Variants in GALNT18 observed in about 807,000 individuals in gnomAD.
GALNT18 encodes the protein GalNAc-transferase 18.
Under a neutral mutation model 69.5 loss-of-function variants are expected in GALNT18, and 44 were observed. That is an observed-to-expected ratio of 0.63 (90% CI 0.50 to 0.81). The LOEUF is 0.81. GALNT18 is among the 40% of genes least tolerant of loss of function. The pLI, the probability that GALNT18 is intolerant of heterozygous loss-of-function variation, is 0.00. For synonymous variants in GALNT18, 364 were observed against 318.2 expected, an observed-to-expected ratio of 1.14 and a Z score of -1.53; for missense variants, 715 against 810.0, an observed-to-expected ratio of 0.88 and a Z score of 1.42.
intron 1 of GALNT18, among the ~76,000 whole-genome samples, chr11:11,493,352 C>G (rs1313846032): frequency 6.6e-6 from 1 of 151,218 alleles, no homozygotes; most frequent in East Asian, 1.9e-4. Flanking sequence ...TTTTGGGCAG[C>G]TTCTCTTCAC....
At chr11:11,490,843 A>G (rs1194473809) in intron 1 of GALNT18, among the ~76,000 whole-genome samples, 2 of 152,228 alleles carry the variant, frequency 1.3e-5, no homozygotes, top group Non-Finnish European at 2.9e-5. Flanking sequence ...TGAAACTCCA[A>G]CGCGGATTGT....
At chr11:11,615,925 C>G (rs1860032888) in intron 1 of GALNT18, among the ~76,000 whole-genome samples, 1 of 152,160 alleles carries the variant, frequency 6.6e-6, no homozygotes, top group Non-Finnish European at 1.5e-5. Context: ...ATAATACAGG[C>G]AAAATATTTA....
Position 11,275,315 on chromosome 11 carries a change from ATG to A in GALNT18, c.1678-4027_1678-4026del, listed in dbSNP as rs533970832. Among the ~76,000 whole-genome samples, 4 of 149,650 alleles carry A rather than the reference ATG, an allele frequency of 2.7e-5. No individual in the cohort carries two copies. The East Asian group carries it at 5.8e-4, about 22-fold the overall frequency. The stretch of plus-strand genomic sequence containing the variant: ...GACCAGAGATAATGACCATTTTTTC[ATG>A]TGTCTGTTGGCTGCATAAATGTCTT... On this transcript the variant is annotated intron_variant, in intron 10 of 10. Transcript: ENST00000227756.
chr11:11,285,395 T>C (rs950328013), intron 10 of GALNT18, among the ~76,000 whole-genome samples: 3 of 152,192 alleles, frequency 2.0e-5, no homozygotes, highest in African/African-American at 7.2e-5. Flanking sequence ...AACAGAGTAG[T>C]GCAGGGCACA....
chr11:11,521,334 G>T (rs1030819479), intron 1 of GALNT18, among the ~76,000 whole-genome samples: 6 of 152,132 alleles, frequency 3.9e-5, no homozygotes, highest in African/African-American at 9.7e-5. Context: ...TCTGTCGGGA[G>T]CTCTGGTGAC....
rs541847028 is a variant in GALNT18 at position 11,397,711 on chromosome 11, T to C, written c.596-18447A>G. ...TTCTTGAACTCCTGGGCTCAAGTGA[T>C]CCACCTGCTTCAGCCTCCCAAAGTG... is the stretch of plus-strand genomic sequence containing the variant. On this transcript the variant is annotated intron_variant, in intron 3 of 10. Transcript: ENST00000227756. Among the ~76,000 whole-genome samples the C allele has an allele frequency of 1.0e-3, 157 of 151,238 alleles. 1 individual carries two copies. The highest frequency in any genetic ancestry group is 3.3e-3 in the African/African-American group (136 of 41,532).
chr11:11,340,311 C>T lies in GALNT18; in HGVS notation c.1278+508G>A, dbSNP rs1313763282. Among the ~76,000 whole-genome samples the T allele has an allele frequency of 1.8e-5, 1 of 55,890 alleles. No individual in the cohort carries two copies. Among genetic ancestry groups the T allele is most frequent in the Non-Finnish European group, 3.2e-5 (1 of 31,386 alleles). The allele number at this position is 55,890 out of a possible 152,430, so 36.7% of individuals were successfully genotyped here. A position where few individuals can be genotyped will look rare whatever the true frequency, so the allele number is the denominator to read the frequency against. On this transcript the variant is annotated intron_variant, in intron 7 of 10. Transcript: ENST00000227756. The surrounding 1 kb of genome is among the most constrained non-coding windows in gnomAD (Gnocchi z 4.2). ...TTAACTCCATCTCCTAGTGAAGGTC[C>T]CTGTAGGTGTGCCCCCATCCCCATA...
intron 6 of GALNT18, among the ~76,000 whole-genome samples, chr11:11,344,564 G>A (rs1261913363): frequency 6.6e-6 from 1 of 152,244 alleles, no homozygotes; most frequent in Non-Finnish European, 1.5e-5. Context: ...ATCTGGGCCA[G>A]GTGGGAGTAG....
rs930615402 is a variant in GALNT18 at position 11,461,032 on chromosome 11, G to A, written c.236-12096C>T. Among the ~76,000 whole-genome samples, 1 of 152,228 alleles carries A rather than the reference G, an allele frequency of 6.6e-6. No homozygotes were observed. Among genetic ancestry groups the A allele is most frequent in the African/African-American group, 2.4e-5 (1 of 41,456 alleles). On this transcript the variant is annotated intron_variant, in intron 1 of 10. Coordinates refer to ENST00000227756, the MANE Select transcript of GALNT18 (RefSeq NM_198516.3). The surrounding 1 kb of genome is among the most constrained non-coding windows in gnomAD (Gnocchi z 4.1). ...CTCCAGCTAGGTGGGCTAGGACTCA[G>A]GAAGGGTGGTGGGTCCCAGCAAAAG...
In GALNT18 at chr11:11,576,057, G is replaced by A. The variant is rs369829417; in HGVS notation, c.235+45302C>T. ...GTCACATAGAAAGAGACAGAGCCAGGGTTTCAGGCACTTCCACTGAACCAC... is the reference window on the plus strand; with the variant it reads ...GTCACATAGAAAGAGACAGAGCCAGAGTTTCAGGCACTTCCACTGAACCAC... On this transcript the variant is annotated intron_variant, in intron 1 of 10. Coordinates refer to ENST00000227756, the MANE Select transcript of GALNT18 (RefSeq NM_198516.3). Among the ~76,000 whole-genome samples the A allele has an allele frequency of 2.6e-5, 4 of 152,250 alleles. No individual in the cohort carries two copies. The East Asian group carries it at 7.7e-4, about 29-fold the overall frequency.
intron 9 of GALNT18, among the ~76,000 whole-genome samples, chr11:11,303,919 A>G (rs1401427998): frequency 6.6e-6 from 1 of 152,198 alleles, no homozygotes; most frequent in Non-Finnish European, 1.5e-5. Flanking sequence ...GTAATCTAGC[A>G]CACACCCCTT....
intron 10 of GALNT18, among the ~76,000 whole-genome samples, chr11:11,275,950 T>A (rs955536341): frequency 6.6e-6 from 1 of 152,226 alleles, no homozygotes; most frequent in Non-Finnish European, 1.5e-5. Flanking sequence ...GTAGTATAGT[T>A]TGAAGTTAGG....
intron 1 of GALNT18, among the ~76,000 whole-genome samples, chr11:11,471,984 G>A (rs1856282322): frequency 2.0e-5 from 3 of 152,332 alleles, no homozygotes; most frequent in Admixed American, 1.3e-4. Context: ...AGTCAAGGAG[G>A]ACAGCAAGAC....
chr11:11,527,298 T>G (rs1210140776), intron 1 of GALNT18, among the ~76,000 whole-genome samples: 1 of 152,158 alleles, frequency 6.6e-6, no homozygotes, highest in Admixed American at 6.5e-5. Context: ...TCTAAGACAC[T>G]TTTTTGATCA....
chr11:11,449,259 G>T (rs1036603361), intron 1 of GALNT18, among the ~76,000 whole-genome samples: 1 of 152,196 alleles, frequency 6.6e-6, no homozygotes, highest in Admixed American at 6.5e-5. Context: ...CCCTGCCAGA[G>T]ATGTTGGCCC....
In GALNT18 at chr11:11,600,926, GC is replaced by G. The variant is rs1859617907; in HGVS notation, c.235+20432del. Among the ~76,000 whole-genome samples the G allele has an allele frequency of 6.6e-6, 1 of 151,560 alleles. No homozygotes were observed. Among genetic ancestry groups the G allele is most frequent in the South Asian group, 2.1e-4 (1 of 4,798 alleles). ...TGCCAACTCAAATATATTTTTAAGTGCCCCAGTGATTTTTTCTTTTCATTTC... is the reference window on the plus strand; with the variant it reads ...TGCCAACTCAAATATATTTTTAAGTGCCCAGTGATTTTTTCTTTTCATTTC... On this transcript the variant is annotated intron_variant, in intron 1 of 10. Transcript: ENST00000227756. This position sits in a 1 kb window ranked among gnomAD's most constrained non-coding sequence, Gnocchi z 4.8.
rs1396282511 is a variant in GALNT18, at chr11:11,480,266, T to TTC, written c.236-31332_236-31331dup. On this transcript the variant is annotated intron_variant, in intron 1 of 10. Transcript: ENST00000227756. The surrounding 1 kb of genome is among the most constrained non-coding windows in gnomAD (Gnocchi z 4.6). ...TTCCTTCCTTCCTCTCTCTCTCTCT[T>TTC]TCTCTCTCTCTCGCCCCCCTCGCCC... 6.6e-6 allele frequency among the ~76,000 whole-genome samples: 1 copy of TTC among 151,390 alleles called. No homozygotes were observed. Among genetic ancestry groups the TTC allele is most frequent in the Non-Finnish European group, 1.5e-5 (1 of 67,856 alleles).
chr11:11,538,636 T>TGTCACAG lies in GALNT18; in HGVS notation c.235+82722_235+82723insCTGTGAC, dbSNP rs1297774789. ...TCTGGGGATGAAGCACAGGCTGACCTGATAGTGAGTCCTCCCTTCCTAGAG... is the reference window on the plus strand; with the variant it reads ...TCTGGGGATGAAGCACAGGCTGACCTGTCACAGGATAGTGAGTCCTCCCTTCCTAGAG... On this transcript the variant is annotated intron_variant, in intron 1 of 10. Coordinates refer to ENST00000227756, the MANE Select transcript of GALNT18 (RefSeq NM_198516.3). The surrounding 1 kb of genome is among the most constrained non-coding windows in gnomAD (Gnocchi z 5.2). 4.6e-5 allele frequency among the ~76,000 whole-genome samples: 7 copies of TGTCACAG among 152,178 alleles called. No homozygotes were observed. The highest frequency in any genetic ancestry group is 2.9e-5 in the Non-Finnish European group (2 of 68,036).
chr11:11,577,046 C>T (rs71465773), intron 1 of GALNT18, among the ~76,000 whole-genome samples: 57,962 of 151,820 alleles, frequency 0.38, 12,831 homozygotes, highest in East Asian at 0.66. Context: ...TCGATGCAGG[C>T]TCACGTATCT....
Sources: allele counts gnomAD v4.1 joint callset (sites outside exome capture counted in the v4.1 genomes callset), GRCh38; gene constraint gnomAD v4.1.1; non-coding constraint Gnocchi (gnomAD v3.1); transcripts MANE v1.5; gene names NCBI Gene and HGNC (gene_info 2026-07-23, HGNC 2026-07-21).